The following THOC5 variants were observed in gnomAD, a reference collection of about 807,000 sequenced individuals.
THOC5 encodes the protein THO complex subunit 5.
In THOC5, 43 loss-of-function variants were observed where a neutral mutation model predicts 92.9. The ratio of observed to expected loss-of-function variants is 0.46; its 90% CI spans 0.36 to 0.60. The LOEUF is 0.60. Among genes scored for constraint, THOC5 ranks in the 20% least tolerant of loss-of-function variants. The probability of loss-of-function intolerance (pLI) is 0.00; values close to 1 mark genes in which losing one functional copy is unlikely to be tolerated. For missense variants in THOC5, 659 were observed against 849.4 expected, an observed-to-expected ratio of 0.78 and a Z score of 2.79; for synonymous variants, 296 against 320.1, an observed-to-expected ratio of 0.92 and a Z score of 0.80.
At position 29,549,060 on chromosome 22, in the gene THOC5, T is replaced by C. The variant is rs2064087542; in HGVS notation, c.88A>G (p.Thr30Ala). 6.2e-7 allele frequency: 1 copy of C among 1,614,044 alleles called. No individual in the cohort carries two copies. Among genetic ancestry groups the C allele is most frequent in the East Asian group, 2.2e-5 (1 of 44,884 alleles). Residue 30 changes from threonine (T) to alanine (A), a missense_variant, in exon 2 of 20, where the codon ACC becomes GCC. Thr to Ala is a moderately conservative substitution (Grantham distance 58). Coordinates refer to ENST00000490103, the MANE Select transcript of THOC5 (RefSeq NM_003678.5). ...PAEGKRNRSD[T>A]EQEGKYYSEE... ...ACCCTGACTGATCTCACCTGCTCGG[T>C]GTCAGATCGATTCCGCTTTCCTTCA...
At chr22:29,540,969 C>T (rs1048546868) in intron 5 of THOC5, among the ~76,000 whole-genome samples, 1 of 152,154 alleles carries the variant, frequency 6.6e-6, no homozygotes, top group African/African-American at 2.4e-5. Flanking sequence ...GTAATTCTAG[C>T]ACTTTGGGAG....
At chr22:29,520,765 G>A (rs2063425644) in intron 13 of THOC5, among the ~76,000 whole-genome samples, 1 of 152,174 alleles carries the variant, frequency 6.6e-6, no homozygotes, top group East Asian at 1.9e-4. Flanking sequence ...CAAAGTGCTG[G>A]GATTACAGGC....
intron 7 of THOC5, chr22:29,534,910 G>C (rs2063726141): frequency 7.4e-6 from 1 of 135,566 alleles, no homozygotes; most frequent in African/African-American, 2.8e-5. Flanking sequence ...AGTGAGCCAA[G>C]ATTGCGCCAC....
intron 19 of THOC5, among the ~76,000 whole-genome samples, chr22:29,510,656 G>A (rs552929233): frequency 6.6e-6 from 1 of 152,194 alleles, no homozygotes; most frequent in African/African-American, 2.4e-5. Context: ...TCAGAGCTAA[G>A]CAGAACTGAC....
intron 9 of THOC5, 69 bp from the exon 10 acceptor site, chr22:29,528,535 A>G (rs4823043): frequency 6.4e-7 from 1 of 1,553,380 alleles, no homozygotes; most frequent in Admixed American, 1.7e-5. Context: ...ACTCCAACCC[A>G]CATGGCATAA....
At chr22:29,548,955 C>G in intron 2 of THOC5, 97 bp downstream of exon 2, 2 of 1,168,040 alleles carry the variant, frequency 1.7e-6, no homozygotes, top group Non-Finnish European at 2.4e-6. Flanking sequence ...AAAGTTGTAC[C>G]TGGTAGATGC....
chr22:29,541,092 A>T (rs1177559549), intron 5 of THOC5, among the ~76,000 whole-genome samples: 1 of 151,816 alleles, frequency 6.6e-6, no homozygotes, highest in Non-Finnish European at 1.5e-5. Flanking sequence ...TGGCTCATGC[A>T]TGCAATCGCT....
At chr22:29,547,519 C>T (rs981457633) in intron 2 of THOC5, among the ~76,000 whole-genome samples, 6 of 152,128 alleles carry the variant, frequency 3.9e-5, no homozygotes, top group Non-Finnish European at 5.9e-5. Context: ...ACCGCCACCA[C>T]GCCTGGCTAA....
intron 7 of THOC5, among the ~76,000 whole-genome samples, chr22:29,533,735 G>A (rs1042881572): frequency 2.6e-5 from 4 of 152,266 alleles, no homozygotes; most frequent in Admixed American, 1.3e-4. Context: ...AAGGCAAAAT[G>A]TGCTGTGTTC....
Position 29,521,072 on chromosome 22 carries a change from C to T in THOC5, c.1203G>A (p.Leu401=), listed in dbSNP as rs1014292932. Residue 401 remains leucine (L), a synonymous_variant, in exon 13 of 20, where the codon CTG becomes CTA. Coordinates refer to ENST00000490103, the MANE Select transcript of THOC5 (RefSeq NM_003678.5). ...CATGATCCCCAGGATACAAGCAACT[C>T]AGGACTGAGTCAGGAGACAGCAAGT... ...AGDLLSPDSV[L]SCLYPGDHGK... 1.2e-6 allele frequency: 2 copies of T among 1,613,972 alleles called. No homozygotes were observed. The highest frequency in any genetic ancestry group is 1.7e-5 in the Admixed American group (1 of 60,000).
At chr22:29,514,277 A>G (rs1327562328) in intron 17 of THOC5, among the ~76,000 whole-genome samples, 3 of 151,944 alleles carry the variant, frequency 2.0e-5, no homozygotes, top group East Asian at 3.9e-4. Flanking sequence ...CACACTACAG[A>G]AAGTTTCCAA....
Position 29,531,851 on chromosome 22 carries a change from G to C in THOC5, c.827C>G (p.Thr276Ser). 6.2e-7 allele frequency: 1 copy of C among 1,614,160 alleles called. No individual in the cohort carries two copies. The highest frequency in any genetic ancestry group is 1.7e-5 in the Admixed American group (1 of 60,008). ...CTCACCACAGGCCTGCCCATACGCA[G>C]TGGCCTGAACAAAGAGGACATAGAG... ...PPLYVLFVQA[T>S]AYGQACDKTL... is the part of the protein sequence containing the mutation. The change falls in exon 8 of 20, where the codon ACT (threonine) becomes AGT (serine). Residue 276 changes from threonine to serine, a missense_variant. Coordinates refer to ENST00000490103, the MANE Select transcript of THOC5 (RefSeq NM_003678.5).
chr22:29,511,932 C>T, intron 18 of THOC5, 89 bp downstream of exon 18: 1 of 1,074,348 alleles, frequency 9.3e-7, no homozygotes. Flanking sequence ...TAAGGCAGTG[C>T]CCAAGTCCTC....
intron 8 of THOC5, 166 bp downstream of exon 8, chr22:29,531,665 G>A (rs546765038): frequency 7.1e-7 from 1 of 1,409,570 alleles, no homozygotes; most frequent in East Asian, 2.5e-5. Flanking sequence ...AGGCCAGCTG[G>A]TCAGAGCAGC....
At chr22:29,548,424 G>A (rs11090569) in intron 2 of THOC5, among the ~76,000 whole-genome samples, 37,617 of 151,928 alleles carry the variant, frequency 0.25, 4,748 homozygotes, top group East Asian at 0.32. Context: ...GCATGGTGGC[G>A]TGCAGCTGTG....
At chr22:29,511,976 C>CG in intron 18 of THOC5, 45 bp downstream of exon 18, 1 of 1,553,428 alleles carries the variant, frequency 6.4e-7, no homozygotes, top group Non-Finnish European at 8.9e-7. Flanking sequence ...CCACCTCCCC[C>CG]GGGAGCTCTG....
rs1491105374 is a variant in THOC5 at position 29,538,800 on chromosome 22, G to GAAAAAA, written c.599+529_599+530insTTTTTT. The stretch of plus-strand genomic sequence containing the variant: ...CAATAGAGTGAAACGCCATCTCTTT[G>GAAAAAA]GAAAAAAAAAAAAAAAAAAAAAAAA... On this transcript the variant is annotated intron_variant, in intron 6 of 19. Transcript: ENST00000490103. Among the ~76,000 whole-genome samples the GAAAAAA allele has an allele frequency of 6.1e-4, 20 of 33,000 alleles. 8 individuals carry two copies. Among genetic ancestry groups the GAAAAAA allele is most frequent in the Admixed American group, 2.0e-3 (4 of 2,042 alleles). 21.6% of individuals were successfully genotyped at this position (33,000 alleles called of 152,430 possible).
Position 29,542,856 on chromosome 22 carries a change from C to T in THOC5, c.452+3G>A, listed in dbSNP as rs779157724. On this transcript the variant is annotated splice_donor_region_variant and intron_variant, in intron 5 of 19. Coordinates refer to ENST00000490103, the MANE Select transcript of THOC5 (RefSeq NM_003678.5). ...TGCCAAAGCCCTGTCCTCCCAAACT[C>T]ACTTAAACTCCAAACATTTGGTGAT... 18 of 1,609,722 alleles carry T rather than the reference C, an allele frequency of 1.1e-5. No homozygotes were observed. Among genetic ancestry groups the T allele is most frequent in the Admixed American group, 1.7e-5 (1 of 59,802 alleles).
At chr22:29,532,793 C>T (rs915734997) in intron 7 of THOC5, among the ~76,000 whole-genome samples, 4 of 152,162 alleles carry the variant, frequency 2.6e-5, no homozygotes, top group Non-Finnish European at 4.4e-5. Context: ...GCCTGGCCAA[C>T]ATGGTGAAAC....
Sources: gnomAD v4.1 joint callset for allele counts (sites outside exome capture counted in the v4.1 genomes callset) on GRCh38, gnomAD v4.1.1 for gene constraint, MANE v1.5 for transcripts, NCBI Gene and HGNC (gene_info 2026-07-23, HGNC 2026-07-21) for gene names.